PPP2R1B: variants seen among roughly 807,000 people sequenced by gnomAD.
PPP2R1B encodes the protein protein phosphatase 2 scaffold subunit Abeta, also known as serine/threonine-protein phosphatase 2A 65 kDa regulatory subunit A beta isoform.
In PPP2R1B, 58 loss-of-function variants were observed where a neutral mutation model predicts 72.7. The observed-to-expected ratio is 0.80, with a 90% CI of 0.65 to 0.99. The LOEUF (loss-of-function observed/expected upper bound fraction) is 0.99, where lower values mean the gene tolerates loss of function less well. Among genes scored for constraint, PPP2R1B ranks in the 50% least tolerant of loss-of-function variants. The probability of loss-of-function intolerance (pLI) is 0.00; values close to 1 mark genes in which losing one functional copy is unlikely to be tolerated. For synonymous variants in PPP2R1B, 256 were observed against 264.6 expected, an observed-to-expected ratio of 0.97 and a Z score of 0.32; for missense variants, 695 against 733.6, an observed-to-expected ratio of 0.95 and a Z score of 0.61.
chr11:111,723,705 A>G, downstream of PPP2R1B: 2 of 1,614,138 alleles, frequency 1.2e-6, no homozygotes, highest in East Asian at 4.5e-5. Context: ...GAGCAGATGC[A>G]ATACAGCCCT....
At chr11:111,745,763 T>C (rs1436771986) in intron 11 of PPP2R1B, among the ~76,000 whole-genome samples, 2 of 152,210 alleles carry the variant, frequency 1.3e-5, no homozygotes, top group African/African-American at 2.4e-5. Context: ...CACAGGAATA[T>C]AGGTGAGTGA....
the PPP2R1B span, chr11:111,688,213 T>C: frequency 6.3e-7 from 1 of 1,595,806 alleles, no homozygotes. This position sits in a 1 kb window ranked among gnomAD's most constrained non-coding sequence, Gnocchi z 4.2. Flanking sequence ...GCCACTGCAC[T>C]CAGTGTGTGG....
chr11:111,753,976 GCATGAT>G (rs1471129726), intron 8 of PPP2R1B, among the ~76,000 whole-genome samples: 15 of 151,830 alleles, frequency 9.9e-5, no homozygotes, highest in African/African-American at 2.9e-4. Context: ...GAGTACAGTG[GCATGAT>G]CATAGCTCAC....
At chr11:111,697,830 AAAAAAAGGAAAAG>A in the PPP2R1B span, among the ~76,000 whole-genome samples, 1 of 150,238 alleles carries the variant, frequency 6.7e-6, no homozygotes, top group South Asian at 2.1e-4. Context: ...GTCTCTACCC[AAAAAAAGGAAAAG>A]AAAAAAGGAA....
intron 9 of PPP2R1B, among the ~76,000 whole-genome samples, chr11:111,752,556 C>T (rs960510260): frequency 8.5e-5 from 13 of 152,064 alleles, no homozygotes; most frequent in Non-Finnish European, 1.3e-4. Context: ...AAGAAAAGTC[C>T]GTAAGATGGT....
downstream of PPP2R1B, among the ~76,000 whole-genome samples, chr11:111,733,365 G>A (rs1278836078): frequency 2.0e-5 from 3 of 152,152 alleles, no homozygotes; most frequent in Non-Finnish European, 4.4e-5. Context: ...AGCATGGGAA[G>A]CGGACTTCCC....
chr11:111,754,713 CTT>C, intron 7 of PPP2R1B, 144 bp from the exon 8 acceptor site: 11 of 1,399,308 alleles, frequency 7.9e-6, no homozygotes, highest in Non-Finnish European at 1.0e-5. Flanking sequence ...TCTAAATAAA[CTT>C]TTTCGTGAAC....
rs1353011221 is a variant in PPP2R1B, at chr11:111,740,235, T to G, written c.*1361A>C. 1.0e-6 allele frequency: 1 copy of G among 983,420 alleles called. No individual in the cohort carries two copies. The highest frequency in any genetic ancestry group is 1.1e-4 in the East Asian group (1 of 8,814). The allele number at this position is 983,420 out of a possible 1,614,324, so 60.9% of individuals were successfully genotyped here. A position where few individuals can be genotyped will look rare whatever the true frequency, so the allele number is the denominator to read the frequency against. On this transcript the variant is annotated 3_prime_UTR_variant, in exon 15 of 15. Coordinates refer to ENST00000527614, the MANE Select transcript of PPP2R1B (RefSeq NM_002716.5). Reference sequence around the variant, plus strand: ...TATGTGAAAAATAGTTGTTTTTTTTTGAGATGGACTCTCGCTCTATGGCCC... The same window carrying G: ...TATGTGAAAAATAGTTGTTTTTTTTGGAGATGGACTCTCGCTCTATGGCCC...
chr11:111,705,144 T>A, the PPP2R1B span: 1 of 1,560,834 alleles, frequency 6.4e-7, no homozygotes. This position sits in a 1 kb window ranked among gnomAD's most constrained non-coding sequence, Gnocchi z 4.3. Context: ...GCCAAGGTAA[T>A]GCCCCCTTAG....
rs1455782727 is a variant in PPP2R1B at position 111,747,971 on chromosome 11, G to C, written c.1382C>G (p.Ala461Gly). The C allele has an allele frequency of 1.2e-6, 2 of 1,613,118 alleles. No individual in the cohort carries two copies. Among genetic ancestry groups the C allele is most frequent in the South Asian group, 2.2e-5 (2 of 91,064 alleles). Residue 461 changes from alanine to glycine, a missense_variant, in exon 11 of 15, where the codon GCT (alanine) becomes GGT (glycine). Transcript: ENST00000527614. ...FDEKLNSLCM[A>G]WLVDHVYAIR... ...CTACTCACCATGGTCCACGAGCCAAGCCATACATAAAGAATTCAGCTTTTC... is the reference window on the plus strand; with the variant it reads ...CTACTCACCATGGTCCACGAGCCAACCCATACATAAAGAATTCAGCTTTTC...
In PPP2R1B at chr11:111,741,942, C is replaced by T. The variant is rs1944535607; in HGVS notation, c.1789+111G>A. The T allele has an allele frequency of 2.6e-5, 26 of 983,204 alleles. No homozygotes were observed. In the Admixed American group the frequency reaches 3.2e-4, roughly 12 times the overall value. The allele number at this position is 983,204 out of a possible 1,614,324, so 60.9% of individuals were successfully genotyped here. On this transcript the variant is annotated intron_variant, in intron 14 of 14. Transcript: ENST00000527614. ...AGCATTCCAGGAACTTACTACCCTC[C>T]CTGTTTCCCATAATACTTATCATCC...
Position 111,742,530 on chromosome 11 carries a change from C to G in PPP2R1B, c.1690G>C (p.Asp564His). The G allele has an allele frequency of 1.2e-6, 2 of 1,613,034 alleles. No individual in the cohort carries two copies. The highest frequency in any genetic ancestry group is 1.7e-6 in the Non-Finnish European group (2 of 1,179,650). ...KSLQKIGPIL[D>H]TNALQGEVKP... Reference sequence around the variant, plus strand: ...TAAACACTAAAATCTTACTTGGTATCTAGAATTGGTCCAATCTTTTGTAGA... The same window carrying G: ...TAAACACTAAAATCTTACTTGGTATGTAGAATTGGTCCAATCTTTTGTAGA... The change falls in exon 13 of 15, where the codon GAT becomes CAT. Residue 564 changes from aspartate (D) to histidine (H), a missense_variant. Coordinates refer to ENST00000527614, the MANE Select transcript of PPP2R1B (RefSeq NM_002716.5).
downstream of PPP2R1B, chr11:111,725,977 T>G (rs999252395): frequency 1.3e-5 from 2 of 152,214 alleles, no homozygotes; most frequent in Non-Finnish European, 2.9e-5. Context: ...GAATTAAGCT[T>G]CTTCTGGGAG....
At chr11:111,722,810 A>G, downstream of PPP2R1B, 2 of 1,527,304 alleles carry the variant, frequency 1.3e-6, no homozygotes, top group East Asian at 4.5e-5. The surrounding 1 kb of genome is among the most constrained non-coding windows in gnomAD (Gnocchi z 4.4). Flanking sequence ...AAGCCTTGAG[A>G]ACACTGAATG....
Position 111,738,636 on chromosome 11 carries a change from T to C in PPP2R1B, c.*2960A>G, listed in dbSNP as rs899556551. On this transcript the variant is annotated 3_prime_UTR_variant, in exon 15 of 15. Coordinates refer to ENST00000527614, the MANE Select transcript of PPP2R1B (RefSeq NM_002716.5). ...CTGCATCACAGTGGCTGAGCTGTGG[T>C]ATTTCTGTGAGCTGAGGGCAGCCCG... The C allele has an allele frequency of 2.0e-6, 2 of 985,268 alleles. No homozygotes were observed. The highest frequency in any genetic ancestry group is 6.2e-5 in the Admixed American group (1 of 16,256). The allele number at this position is 985,268 out of a possible 1,614,324, so 61.0% of individuals were successfully genotyped here.
At chr11:111,732,757 C>G (rs1352253388) in intron 15 of PPP2R1B, among the ~76,000 whole-genome samples, 1 of 152,184 alleles carries the variant, frequency 6.6e-6, no homozygotes, top group Non-Finnish European at 1.5e-5. Context: ...CTCATCCCTC[C>G]CTGGGTGGAT....
At chr11:111,754,256 G>A (rs1299520529) in intron 8 of PPP2R1B, among the ~76,000 whole-genome samples, 1 of 152,162 alleles carries the variant, frequency 6.6e-6, no homozygotes, top group Admixed American at 6.5e-5. Context: ...ATACTGATTA[G>A]TTGATAATGT....
rs1555044067 is a variant in PPP2R1B at position 111,738,925 on chromosome 11, T to TGTGTGTGTGTGTCTGC, written c.*2670_*2671insGCAGACACACACACAC. The TGTGTGTGTGTGTCTGC allele has an allele frequency of 2.0e-6, 2 of 982,130 alleles. No homozygotes were observed. The highest frequency in any genetic ancestry group is 3.6e-5 in the African/African-American group (2 of 55,062). The allele number at this position is 982,130 out of a possible 1,614,324, so 60.8% of individuals were successfully genotyped here. On this transcript the variant is annotated 3_prime_UTR_variant, in exon 15 of 15. Coordinates refer to ENST00000527614, the MANE Select transcript of PPP2R1B (RefSeq NM_002716.5). ...GTGTGTGTGTGTGTGTGTGTGTGTGTCTGCTTCATTTTTCTAATCAAACAA... is the reference window on the plus strand; with the variant it reads ...GTGTGTGTGTGTGTGTGTGTGTGTGTGTGTGTGTGTGTCTGCCTGCTTCATTTTTCTAATCAAACAA...
At position 111,766,306 on chromosome 11, in the gene PPP2R1B, T is replaced by C. The variant is rs1555053156; in HGVS notation, c.56A>G (p.Asp19Gly). The change falls in exon 1 of 15, where the codon GAT becomes GGT. Residue 19 changes from aspartate to glycine, a missense_variant. By Grantham distance (94) the Asp-to-Gly change is moderately conservative. Transcript: ENST00000527614. The part of the protein sequence containing the change: ...TGPGAAGGDG[D>G]DSLYPIAVLI... ...AACCGCGATCGGGTATAGCGAATCA[T>C]CTCCATCTCCACCCGCTGCTCCTGG... 1 of 1,571,986 alleles carries C rather than the reference T, an allele frequency of 6.4e-7. No individual in the cohort carries two copies. The highest frequency in any genetic ancestry group is 1.1e-5 in the South Asian group (1 of 90,252).
Sources: allele counts gnomAD v4.1 joint callset (sites outside exome capture counted in the v4.1 genomes callset), GRCh38; gene constraint gnomAD v4.1.1; non-coding constraint Gnocchi (gnomAD v3.1); transcripts MANE v1.5; gene names NCBI Gene and HGNC (gene_info 2026-07-23, HGNC 2026-07-21).